Variants in GRIK2 observed in about 807,000 individuals in gnomAD.
GRIK2 encodes glutamate ionotropic receptor kainate type subunit 2, also known as glutamate receptor ionotropic, kainate 2.
GRIK2 carries 32 observed loss-of-function variants against 100.3 expected under a neutral mutation model. The ratio of observed to expected loss-of-function variants is 0.32; its 90% CI spans 0.24 to 0.43. The LOEUF is 0.43. Ranked by LOEUF, GRIK2 falls within the 20% of genes least tolerant of loss-of-function variation. GRIK2 has a pLI of 1.00. For missense variants in GRIK2, 843 were observed against 1,114.9 expected, an observed-to-expected ratio of 0.76 and a Z score of 3.47; for synonymous variants, 417 against 389.4, an observed-to-expected ratio of 1.07 and a Z score of -0.83.
intron 11 of GRIK2, among the ~76,000 whole-genome samples, chr6:101,871,018 G>A (rs540441401): frequency 1.3e-4 from 20 of 151,908 alleles, no homozygotes; most frequent in Admixed American, 3.9e-4. Flanking sequence ...TTATATTGGC[G>A]TACTTCAAAT....
chr6:101,402,123 C>G (rs1775342436), intron 2 of GRIK2, among the ~76,000 whole-genome samples: 2 of 152,126 alleles, frequency 1.3e-5, no homozygotes, highest in African/African-American at 2.4e-5. Context: ...AGGGGCAGCC[C>G]CCGCTTAGAG....
At chr6:101,973,897 G>C (rs1793210801) in intron 14 of GRIK2, among the ~76,000 whole-genome samples, 1 of 151,838 alleles carries the variant, frequency 6.6e-6, no homozygotes, top group Non-Finnish European at 1.5e-5. Flanking sequence ...GCTCTGGAGA[G>C]GTCTTACAAG....
intron 7 of GRIK2, among the ~76,000 whole-genome samples, chr6:101,764,780 C>T (rs975396350): frequency 6.6e-6 from 1 of 152,114 alleles, no homozygotes; most frequent in Non-Finnish European, 1.5e-5. Flanking sequence ...ATTCTCCCCA[C>T]TCAGGAAGTG....
At chr6:101,629,039 G>T (rs1446274187) in intron 4 of GRIK2, among the ~76,000 whole-genome samples, 1 of 152,012 alleles carries the variant, frequency 6.6e-6, no homozygotes, top group Non-Finnish European at 1.5e-5. Flanking sequence ...TCATGTATTT[G>T]TTCTATTCCT....
At chr6:101,826,668 C>T (rs1340266) in intron 10 of GRIK2, among the ~76,000 whole-genome samples, 44,759 of 151,806 alleles carry the variant, frequency 0.29, 9,338 homozygotes, top group East Asian at 0.67. Flanking sequence ...TCAGCTTTTT[C>T]TTTCTTACTA....
chr6:101,495,318 A>G (rs187870409), intron 2 of GRIK2, among the ~76,000 whole-genome samples: 101 of 152,080 alleles, frequency 6.6e-4, no homozygotes, highest in African/African-American at 2.4e-3. Context: ...ATCCTGGCTA[A>G]CATGGTGAAA....
intron 14 of GRIK2, among the ~76,000 whole-genome samples, chr6:101,932,121 A>G (rs1269301246): frequency 6.6e-6 from 1 of 152,032 alleles, no homozygotes; most frequent in Non-Finnish European, 1.5e-5. Context: ...CATGTTTTAC[A>G]AAATGATACC....
In GRIK2 at chr6:102,038,089, A is replaced by G. The variant is rs182951293; in HGVS notation, c.2311+2523A>G. On this transcript the variant is annotated intron_variant, in intron 15 of 16. Transcript: ENST00000369134. ...GCCTCTAATTTTTTAAACTAGTAAA[A>G]GAAGAGGATTGTATATCTCAGGTCC... Among the ~76,000 whole-genome samples the G allele has an allele frequency of 3.0e-3, 458 of 151,544 alleles. 4 individuals carry two copies. Among genetic ancestry groups the G allele is most frequent in the African/African-American group, 0.011 (439 of 41,474 alleles).
Position 101,751,636 on chromosome 6 carries a change from G to T in GRIK2, c.952-48012G>T, listed in dbSNP as rs538644556. On this transcript the variant is annotated intron_variant, in intron 7 of 16. Coordinates refer to ENST00000369134, the MANE Select transcript of GRIK2 (RefSeq NM_021956.5). Reference sequence around the variant, plus strand: ...CCTACCATTGGGTTTTTGGAATAGGGATTCAAATAAAGTCCATCCATTACA... The same window carrying T: ...CCTACCATTGGGTTTTTGGAATAGGTATTCAAATAAAGTCCATCCATTACA... Among the ~76,000 whole-genome samples the T allele has an allele frequency of 8.5e-4, 130 of 152,168 alleles. 1 individual carries two copies. Among genetic ancestry groups the T allele is most frequent in the African/African-American group, 2.9e-3 (121 of 41,510 alleles).
At chr6:101,517,519 T>C (rs1774648214) in intron 2 of GRIK2, among the ~76,000 whole-genome samples, 2 of 134,982 alleles carry the variant, frequency 1.5e-5, no homozygotes, top group South Asian at 2.5e-4. Flanking sequence ...TTTGAGATAA[T>C]TAATTTTTTT....
intron 2 of GRIK2, chr6:101,430,930 G>A (rs138554669): frequency 2.3e-4 from 75 of 330,090 alleles, no homozygotes; most frequent in African/African-American, 1.5e-3. Flanking sequence ...AGGTCCAGGT[G>A]CAGGATGGCC....
chr6:101,625,721 C>A (rs1295450491), intron 3 of GRIK2, among the ~76,000 whole-genome samples: 1 of 152,024 alleles, frequency 6.6e-6, no homozygotes, highest in Non-Finnish European at 1.5e-5. Flanking sequence ...TGAGTAAATA[C>A]AAACTTTAAA....
intron 7 of GRIK2, among the ~76,000 whole-genome samples, chr6:101,703,111 G>A (rs1773010526): frequency 6.6e-6 from 1 of 151,876 alleles, no homozygotes; most frequent in Admixed American, 6.6e-5. Flanking sequence ...ATTTTGGGAA[G>A]GAATAATTTT....
At chr6:101,535,774 CAT>C (rs1775662448) in intron 2 of GRIK2, among the ~76,000 whole-genome samples, 1 of 151,570 alleles carries the variant, frequency 6.6e-6, no homozygotes, top group Admixed American at 6.6e-5. Flanking sequence ...ATTATGTTGA[CAT>C]ATTTTATGAA....
intron 5 of GRIK2, among the ~76,000 whole-genome samples, chr6:101,681,271 T>C (rs1771222854): frequency 6.6e-6 from 1 of 152,148 alleles, no homozygotes; most frequent in African/African-American, 2.4e-5. Context: ...TTTTGTTTGT[T>C]TGTTTTGTAA....
intron 2 of GRIK2, among the ~76,000 whole-genome samples, chr6:101,495,366 C>T (rs1185128433): frequency 3.9e-5 from 6 of 151,996 alleles, no homozygotes; most frequent in Admixed American, 6.6e-5. Context: ...ATTAGCCAGG[C>T]GTGGTGGCGG....
intron 2 of GRIK2, among the ~76,000 whole-genome samples, chr6:101,572,333 C>T (rs1777578028): frequency 6.6e-6 from 1 of 151,982 alleles, no homozygotes; most frequent in Non-Finnish European, 1.5e-5. Context: ...CTACCACTTC[C>T]TCATACCACC....
intron 2 of GRIK2, among the ~76,000 whole-genome samples, chr6:101,576,984 T>C (rs1362274736): frequency 2.0e-5 from 3 of 152,092 alleles, no homozygotes; most frequent in African/African-American, 7.2e-5. Flanking sequence ...CTAATCAGAT[T>C]GTCTTTAGAA....
At chr6:101,503,772 G>C (rs1773887645) in intron 2 of GRIK2, among the ~76,000 whole-genome samples, 1 of 152,020 alleles carries the variant, frequency 6.6e-6, no homozygotes, top group African/African-American at 2.4e-5. Flanking sequence ...TTCTTAATTA[G>C]TAATAAGTTT....
Sources: gnomAD v4.1 joint callset for allele counts (sites outside exome capture counted in the v4.1 genomes callset) on GRCh38, gnomAD v4.1.1 for gene constraint, MANE v1.5 for transcripts, NCBI Gene and HGNC (gene_info 2026-07-23, HGNC 2026-07-21) for gene names.